The following HIVEP3 variants were observed in gnomAD, a reference collection of about 807,000 sequenced individuals.
HIVEP3 encodes HIVEP zinc finger 3.
In HIVEP3, 49 loss-of-function variants were observed where a neutral mutation model predicts 152.8. That is an observed-to-expected ratio of 0.32 (90% CI 0.26 to 0.41). The LOEUF is 0.41. Ranked by LOEUF, HIVEP3 falls within the 10% of genes least tolerant of loss-of-function variation. The pLI, the probability that HIVEP3 is intolerant of heterozygous loss-of-function variation, is 1.00. For synonymous variants in HIVEP3, 1,269 were observed against 1,289.0 expected (o/e 0.98, Z 0.33); for missense variants, 2,790 against 3,103.3 (o/e 0.90, Z 2.40).
In HIVEP3 at chr1:41,918,161, G is replaced by T. The variant is rs1644902499; in HGVS notation, c.-801+252C>A. Among the ~76,000 whole-genome samples, 1 of 152,168 alleles carries T rather than the reference G, an allele frequency of 6.6e-6. No individual in the cohort carries two copies. ...TGATTGACGCGCGGGGGTCACTTGA[G>T]GCTCGCGCCGCTCCCCAGCACCAGG... On this transcript the variant is annotated intron_variant, in intron 1 of 8. Coordinates refer to ENST00000372583, the MANE Select transcript of HIVEP3 (RefSeq NM_024503.5). The surrounding 1 kb of genome is among the most constrained non-coding windows in gnomAD (Gnocchi z 4.3).
At chr1:41,513,942 T>C (rs1469754715) in intron 7 of HIVEP3, among the ~76,000 whole-genome samples, 192 bp from the exon 8 acceptor site, 1 of 152,216 alleles carries the variant, frequency 6.6e-6, no homozygotes, top group Admixed American at 6.5e-5. Context: ...TAATGAACAA[T>C]AATTCCCTTA....
intron 1 of HIVEP3, among the ~76,000 whole-genome samples, chr1:41,902,820 G>A (rs753107423): frequency 5.9e-5 from 9 of 152,196 alleles, no homozygotes; most frequent in Admixed American, 1.3e-4. Context: ...ATTTAGAATC[G>A]TTTCAGTTTC....
chr1:41,801,701 G>A (rs959061575), intron 1 of HIVEP3, among the ~76,000 whole-genome samples: 2 of 151,436 alleles, frequency 1.3e-5, no homozygotes, highest in African/African-American at 2.4e-5. Context: ...CCGAGATCTC[G>A]CCACTGCACT....
At chr1:41,856,357 AGCG>A (rs1261862485) in intron 1 of HIVEP3, among the ~76,000 whole-genome samples, 6 of 152,318 alleles carry the variant, frequency 3.9e-5, no homozygotes, top group Admixed American at 3.3e-4. Context: ...CAAGATGCCA[AGCG>A]GTGGGCTGGG....
intron 6 of HIVEP3, among the ~76,000 whole-genome samples, chr1:41,524,069 A>T (rs930478328): frequency 6.6e-6 from 1 of 152,040 alleles, no homozygotes; most frequent in African/African-American, 2.4e-5. Context: ...GCTCTCTGGG[A>T]TGCATGCCTT....
At chr1:41,593,372 C>A (rs533212167) in intron 3 of HIVEP3, among the ~76,000 whole-genome samples, 1 of 151,932 alleles carries the variant, frequency 6.6e-6, no homozygotes, top group Admixed American at 6.6e-5. Flanking sequence ...TTTCTTTTTG[C>A]GGGCAGCAGC....
rs1256275910 is a variant in HIVEP3 at position 41,584,259 on chromosome 1, T to G, written c.539A>C (p.His180Pro). Residue 180 changes from histidine to proline, a missense_variant, in exon 4 of 9, where the codon CAC (histidine) becomes CCC (proline). Physicochemically the swap from His to Pro is moderately conservative, Grantham distance 77. Transcript: ENST00000372583. The surrounding 1 kb of genome is among the most constrained non-coding windows in gnomAD (Gnocchi z 5.2). ...CTTCTGGGGCTTCCTCTCCTTCTTG[T>G]GTGCCTCTTCTGTGGGCTTCAAGGA... ...QVSLKPTEEAHKKERKPQKPG... is the reference protein window; with the variant it reads ...QVSLKPTEEAPKKERKPQKPG... The G allele has an allele frequency of 1.2e-6, 2 of 1,613,494 alleles. No individual in the cohort carries two copies. Among genetic ancestry groups the G allele is most frequent in the Non-Finnish European group, 1.7e-6 (2 of 1,179,688 alleles).
chr1:41,707,016 C>T (rs1646443732), intron 1 of HIVEP3, among the ~76,000 whole-genome samples: 1 of 152,164 alleles, frequency 6.6e-6, no homozygotes, highest in South Asian at 2.1e-4. Flanking sequence ...TGAGTTTTAG[C>T]CAGAGAATAT....
intron 6 of HIVEP3, among the ~76,000 whole-genome samples, chr1:41,522,694 T>A (rs1007793351): frequency 6.6e-6 from 1 of 152,214 alleles, no homozygotes; most frequent in Non-Finnish European, 1.5e-5. Context: ...TGGCTTCCAA[T>A]GAAGGCATCT....
At chr1:41,820,765 T>A (rs984467352) in intron 1 of HIVEP3, among the ~76,000 whole-genome samples, 3 of 152,256 alleles carry the variant, frequency 2.0e-5, no homozygotes, top group African/African-American at 7.2e-5. Context: ...ATTAAAATGT[T>A]AGCTCCACGA....
chr1:41,807,021 C>A (rs866734874), intron 1 of HIVEP3, among the ~76,000 whole-genome samples: 14 of 117,346 alleles, frequency 1.2e-4, no homozygotes, highest in African/African-American at 4.0e-4. Flanking sequence ...TCCCTTCCTC[C>A]CCGCCCAGCC....
intron 2 of HIVEP3, among the ~76,000 whole-genome samples, chr1:41,631,931 C>T (rs1472346631): frequency 6.6e-6 from 1 of 152,154 alleles, no homozygotes. Flanking sequence ...CTCAGGCAGC[C>T]TCTTCTGCAT....
intron 1 of HIVEP3, among the ~76,000 whole-genome samples, chr1:41,806,726 C>A (rs748501060): frequency 3.3e-5 from 5 of 152,174 alleles, no homozygotes; most frequent in African/African-American, 9.6e-5. Flanking sequence ...CCTTGGAAGG[C>A]GCAGGGCCGG....
At chr1:41,607,185 C>A (rs1644833308) in intron 3 of HIVEP3, among the ~76,000 whole-genome samples, 3 of 152,074 alleles carry the variant, frequency 2.0e-5, no homozygotes, top group African/African-American at 7.2e-5. Flanking sequence ...TCTACCCACC[C>A]CCTGACTGTC....
At chr1:41,966,934 A>G (rs768288608) in intron 1 of HIVEP3, among the ~76,000 whole-genome samples, 2 of 152,216 alleles carry the variant, frequency 1.3e-5, no homozygotes, top group African/African-American at 2.4e-5. Context: ...TAAACCAACA[A>G]AGATCAAAAA....
At chr1:41,744,593 G>C (rs566179753) in intron 1 of HIVEP3, among the ~76,000 whole-genome samples, 1 of 152,266 alleles carries the variant, frequency 6.6e-6, no homozygotes, top group Admixed American at 6.5e-5. Context: ...GTTCTTGCTG[G>C]ATTTTCTTGT....
At chr1:41,549,414 G>T (rs1052168233) in intron 5 of HIVEP3, among the ~76,000 whole-genome samples, 2 of 152,168 alleles carry the variant, frequency 1.3e-5, no homozygotes, top group Non-Finnish European at 2.9e-5. Flanking sequence ...GGATCAAATG[G>T]TATTTCTAAT....
intron 1 of HIVEP3, among the ~76,000 whole-genome samples, chr1:41,897,506 G>T (rs1644548340): frequency 2.0e-5 from 3 of 152,134 alleles, no homozygotes; most frequent in Admixed American, 2.0e-4. Flanking sequence ...TGAAGAACAG[G>T]CCCTCGTCAA....
rs551906090 is a variant in HIVEP3, at chr1:41,632,539, C to T, written c.-720-3592G>A. Among the ~76,000 whole-genome samples, 258 of 152,188 alleles carry T rather than the reference C, an allele frequency of 1.7e-3. 1 individual carries two copies. The highest frequency in any genetic ancestry group is 5.9e-3 in the African/African-American group (245 of 41,540). On this transcript the variant is annotated intron_variant, in intron 2 of 8. Transcript: ENST00000372583. ...ATGAGCCACCACGCCTGGCGGATCA[C>T]GGGTTCAAGAGATCGAGACCATCCT...
Sources: allele counts gnomAD v4.1 joint callset (sites outside exome capture counted in the v4.1 genomes callset), GRCh38; gene constraint gnomAD v4.1.1; non-coding constraint Gnocchi (gnomAD v3.1); transcripts MANE v1.5; gene names NCBI Gene and HGNC (gene_info 2026-07-23, HGNC 2026-07-21).